Variants in CNNM3 observed in about 807,000 individuals in gnomAD.
CNNM3 encodes metal transporter CNNM3.
In CNNM3, 47 loss-of-function variants were observed where a neutral mutation model predicts 57.1. The observed-to-expected ratio is 0.82, with a 90% CI of 0.65 to 1.05. The LOEUF (loss-of-function observed/expected upper bound fraction) is 1.05, where lower values mean the gene tolerates loss of function less well. Among genes scored for constraint, CNNM3 ranks in the 50% least tolerant of loss-of-function variants. The probability of loss-of-function intolerance (pLI) is 0.00; values close to 1 mark genes in which losing one functional copy is unlikely to be tolerated. For synonymous variants in CNNM3, 507 were observed against 478.2 expected, an observed-to-expected ratio of 1.06 and a Z score of -0.79; for missense variants, 957 against 973.7, an observed-to-expected ratio of 0.98 and a Z score of 0.23.
intron 1 of CNNM3, among the ~76,000 whole-genome samples, chr2:96,822,158 A>G (rs1417383799): frequency 6.6e-6 from 1 of 151,530 alleles, no homozygotes; most frequent in African/African-American, 2.4e-5. Flanking sequence ...GTGCACCACC[A>G]CGCCCAGCTA....
At chr2:96,831,803 G>A (rs916102028) in intron 7 of CNNM3, among the ~76,000 whole-genome samples, 1 of 152,214 alleles carries the variant, frequency 6.6e-6, no homozygotes, top group African/African-American at 2.4e-5. Flanking sequence ...GCCATCCTGA[G>A]CCGCAGGCTG....
At position 96,822,007 on chromosome 2, in the gene CNNM3, T is replaced by TAA. The variant is rs1192990376; in HGVS notation, c.1226-3051_1226-3050insAA. ...AGAACATTATTATTATTATTATTAT[T>TAA]TTTTTTTTTTTTTTGAGATGGAGTG... On this transcript the variant is annotated intron_variant, in intron 1 of 7. Transcript: ENST00000305510. 1.3e-3 allele frequency among the ~76,000 whole-genome samples: 184 copies of TAA among 144,214 alleles called. 3 individuals carry two copies. In the East Asian group the frequency reaches 0.027, roughly 21 times the overall value. 94.6% of individuals were successfully genotyped at this position (144,214 alleles called of 152,430 possible).
chr2:96,832,468 T>C, intron 7 of CNNM3, 84 bp from the exon 8 acceptor site: 1 of 1,590,120 alleles, frequency 6.3e-7, no homozygotes. Flanking sequence ...TGCCCCTTCC[T>C]GTCCCACAGA....
rs2079636366 is a variant in CNNM3 at position 96,833,240 on chromosome 2, T to G, written c.*624T>G. 5.8e-6 allele frequency: 2 copies of G among 347,642 alleles called. No individual in the cohort carries two copies. The highest frequency in any genetic ancestry group is 1.1e-5 in the Non-Finnish European group (2 of 176,200). The allele number at this position is 347,642 out of a possible 1,614,324, so 21.5% of individuals were successfully genotyped here. A position where few individuals can be genotyped will look rare whatever the true frequency, so the allele number is the denominator to read the frequency against. On this transcript the variant is annotated 3_prime_UTR_variant, in exon 8 of 8. Transcript: ENST00000305510. ...TGTCCCTGTAGCCCTGCTCCCTCCC[T>G]GGAGGCTGCTCTTCTGATTCTGAGA...
Position 96,823,094 on chromosome 2 carries a change from C to T in CNNM3, c.1226-1964C>T, listed in dbSNP as rs145251443. ...CTGTCATCTTTGGCTGCCATCTAGA[C>T]CCCTCAGACATTCTTCTTGGGATTC... On this transcript the variant is annotated intron_variant, in intron 1 of 7. Transcript: ENST00000305510. 9.8e-5 allele frequency among the ~76,000 whole-genome samples: 15 copies of T among 152,292 alleles called. No individual in the cohort carries two copies. The East Asian group carries it at 2.9e-3, about 29-fold the overall frequency.
intron 7 of CNNM3, 75 bp from the exon 8 acceptor site, chr2:96,832,466 CCTGTCCCACAG>C (rs2079619848): frequency 1.3e-6 from 2 of 1,595,052 alleles, no homozygotes; most frequent in Admixed American, 3.4e-5. Context: ...GCTGCCCCTT[CCTGTCCCACAG>C]AGGATTTGGC....
intron 1 of CNNM3, among the ~76,000 whole-genome samples, chr2:96,822,838 G>C (rs1440425016): frequency 6.6e-6 from 1 of 152,240 alleles, no homozygotes; most frequent in East Asian, 1.9e-4. Flanking sequence ...CATTATGAAA[G>C]GGTACTTTGG....
rs370196685 is a variant in CNNM3, at chr2:96,825,202, G to A, written c.1369+1G>A. On this transcript the variant is annotated splice_donor_variant, in intron 2 of 7. Coordinates refer to ENST00000305510, the MANE Select transcript of CNNM3 (RefSeq NM_017623.5). LOFTEE classifies it high-confidence loss of function. Reference sequence around the variant, plus strand: ...ATCCTGGACGAGTCTGAAGACTACCGTGAGTCCAGACTCTTGGCAGTTCTG... The same window carrying A: ...ATCCTGGACGAGTCTGAAGACTACCATGAGTCCAGACTCTTGGCAGTTCTG... The A allele has an allele frequency of 9.9e-6, 16 of 1,613,886 alleles. No homozygotes were observed. Among genetic ancestry groups the A allele is most frequent in the African/African-American group, 1.3e-5 (1 of 74,930 alleles).
downstream of CNNM3, among the ~76,000 whole-genome samples, chr2:96,835,794 G>A (rs1484789871): frequency 2.6e-5 from 4 of 152,064 alleles, no homozygotes; most frequent in African/African-American, 4.8e-5. Flanking sequence ...TGTCCTCACC[G>A]GCAACCTAGG....
At chr2:96,823,857 C>G (rs1470093143) in intron 1 of CNNM3, among the ~76,000 whole-genome samples, 1 of 152,184 alleles carries the variant, frequency 6.6e-6, no homozygotes, top group Non-Finnish European at 1.5e-5. Context: ...CCGGCAGCCC[C>G]CTCCACCTGG....
rs974070090 is a variant in CNNM3 at position 96,817,099 on chromosome 2, G to T, written c.822G>T (p.Gly274=). 7.4e-6 allele frequency: 10 copies of T among 1,342,662 alleles called. No individual in the cohort carries two copies. Among genetic ancestry groups the T allele is most frequent in the Non-Finnish European group, 7.6e-6 (8 of 1,056,576 alleles). The allele number at this position is 1,342,662 out of a possible 1,614,324, so 83.2% of individuals were successfully genotyped here. The change falls in exon 1 of 8, where the codon GGG becomes GGT. Residue 274 remains glycine, a synonymous_variant. Transcript: ENST00000305510. ...CTCTGCCCGTCGCGCTGCCCGTGGG[G>T]CAGCTGCTGGAGCTGGCGGCGCGGC... ...LLTLPVALPV[G]QLLELAARPG...
rs1212785912 is a variant in CNNM3, at chr2:96,829,054, A to C, written c.1979A>C (p.Gln660Pro). 6.2e-7 allele frequency: 1 copy of C among 1,613,908 alleles called. No homozygotes were observed. The highest frequency in any genetic ancestry group is 8.5e-7 in the Non-Finnish European group (1 of 1,180,010). Residue 660 changes from glutamine (Q) to proline (P), a missense_variant, in exon 7 of 8, where the codon CAG (glutamine) becomes CCG (proline). Physicochemically the swap from Gln to Pro is moderately conservative, Grantham distance 76 (BLOSUM62 -1). Coordinates refer to ENST00000305510, the MANE Select transcript of CNNM3 (RefSeq NM_017623.5). ...GCTACCCGAGCCCAGAACCTGCCAC[A>C]GTCCCCTGAGAACACCGACCTGCAG... ...LLATRAQNLP[Q>P]SPENTDLQVI...
At chr2:96,827,007 C>A in intron 3 of CNNM3, 25 bp downstream of exon 3, 1 of 1,609,322 alleles carries the variant, frequency 6.2e-7, no homozygotes, top group Non-Finnish European at 8.5e-7. Flanking sequence ...TGGTCCATGC[C>A]CCCTGCTCTC....
chr2:96,818,859 A>C (rs1186514956), intron 1 of CNNM3, among the ~76,000 whole-genome samples: 4 of 152,202 alleles, frequency 2.6e-5, no homozygotes, highest in Non-Finnish European at 5.9e-5. Flanking sequence ...AAGGCCAAGA[A>C]GTGGCAAAGC....
chr2:96,829,269 T>TTA (rs1013357879), intron 7 of CNNM3, 135 bp downstream of exon 7: 265 of 1,201,920 alleles, frequency 2.2e-4, no homozygotes, highest in Non-Finnish European at 2.4e-4. Flanking sequence ...TTTCCCTTCT[T>TTA]TATATATATA....
chr2:96,829,238 T>C, intron 7 of CNNM3, 104 bp downstream of exon 7: 1 of 1,376,180 alleles, frequency 7.3e-7, no homozygotes, highest in South Asian at 2.0e-5. Context: ...CTGTCTTTTT[T>C]CTCTCTTTTC....
chr2:96,824,312 T>G (rs2079457474), intron 1 of CNNM3, among the ~76,000 whole-genome samples: 1 of 152,214 alleles, frequency 6.6e-6, no homozygotes, highest in South Asian at 2.1e-4. Context: ...AATCTCAGCC[T>G]GGTGCTCCTC....
At position 96,828,183 on chromosome 2, in the gene CNNM3, G is replaced by C. The variant is rs1453991467; in HGVS notation, c.1774G>C (p.Val592Leu). ...GTACTATGGAGTGTCGGCCCTAACT[G>C]TGCCATCCTCGGGTAAGCCACGGCC... is the stretch of plus-strand genomic sequence containing the variant. ...FTYYGVSALT[V>L]PSSVHQSPVS... Residue 592 changes from valine (V) to leucine (L), a missense_variant, in exon 5 of 8, where the codon GTG becomes CTG. Physicochemically the swap from Val to Leu is conservative, Grantham distance 32. Transcript: ENST00000305510. 28 of 1,613,862 alleles carry C rather than the reference G, an allele frequency of 1.7e-5. No homozygotes were observed. The highest frequency in any genetic ancestry group is 2.4e-5 in the Non-Finnish European group (28 of 1,179,922).
intron 1 of CNNM3, among the ~76,000 whole-genome samples, chr2:96,820,920 C>T (rs1252103226): frequency 6.6e-6 from 1 of 152,170 alleles, no homozygotes; most frequent in East Asian, 1.9e-4. Context: ...AGGGTCCGGG[C>T]TGCTCCTGTT....
Sources: allele counts gnomAD v4.1 joint callset (sites outside exome capture counted in the v4.1 genomes callset), GRCh38; gene constraint gnomAD v4.1.1; transcripts MANE v1.5; gene names NCBI Gene and HGNC (gene_info 2026-07-23, HGNC 2026-07-21).